The following ABHD2 variants were observed in gnomAD, a reference collection of about 807,000 sequenced individuals.
ABHD2 encodes abhydrolase domain containing 2, acylglycerol lipase.
Under a neutral mutation model 48.1 loss-of-function variants are expected in ABHD2, and 20 were observed. The observed-to-expected ratio is 0.42, with a 90% CI of 0.29 to 0.60. The LOEUF (loss-of-function observed/expected upper bound fraction) is 0.60. ABHD2 is among the 20% of genes least tolerant of loss of function. The pLI, the probability that ABHD2 is intolerant of heterozygous loss-of-function variation, is 0.24. For missense variants in ABHD2, 405 were observed against 550.9 expected, an observed-to-expected ratio of 0.74 and a Z score of 2.65; for synonymous variants, 209 against 214.2, an observed-to-expected ratio of 0.98 and a Z score of 0.21.
At chr15:89,121,378 T>A (rs1430377667) in intron 3 of ABHD2, among the ~76,000 whole-genome samples, 2 of 151,948 alleles carry the variant, frequency 1.3e-5, no homozygotes, top group Non-Finnish European at 2.9e-5. Flanking sequence ...GTAAAGAGAC[T>A]GGTTTTCTTG....
chr15:89,093,139 T>C (rs928375436), intron 1 of ABHD2, among the ~76,000 whole-genome samples: 5 of 149,244 alleles, frequency 3.4e-5, no homozygotes, highest in African/African-American at 9.8e-5. Context: ...CTTCCTGGCC[T>C]CCCCAAGTCA....
At chr15:89,136,438 CA>C in intron 3 of ABHD2, 1 of 482,830 alleles carries the variant, frequency 2.1e-6, no homozygotes. Context: ...CAAGTTTGCA[CA>C]AAAAATGCAT....
Position 89,181,295 on chromosome 15 carries a change from A to T in ABHD2, c.723-4129A>T, listed in dbSNP as rs61154726. 2.3e-3 allele frequency among the ~76,000 whole-genome samples: 350 copies of T among 150,238 alleles called. 1 individual carries two copies. The highest frequency in any genetic ancestry group is 8.0e-3 in the African/African-American group (326 of 40,818). On this transcript the variant is annotated intron_variant, in intron 6 of 10. Transcript: ENST00000352732. ...TTATGTGTTTTTATCATAATTTTTT[A>T]AAAATATGACTGTATATAGGCAAAA...
intron 4 of ABHD2, among the ~76,000 whole-genome samples, chr15:89,153,667 T>C (rs908380366): frequency 6.6e-6 from 1 of 152,208 alleles, no homozygotes; most frequent in Non-Finnish European, 1.5e-5. Flanking sequence ...GAAAAACAGC[T>C]CTTTTTCACC....
rs145057875 is a variant in ABHD2, at chr15:89,144,718, A to G, written c.195-6959A>G. 2.0e-4 allele frequency among the ~76,000 whole-genome samples: 31 copies of G among 152,360 alleles called. No individual in the cohort carries two copies. In the East Asian group the frequency reaches 4.8e-3, roughly 24 times the overall value. On this transcript the variant is annotated intron_variant, in intron 3 of 10. Coordinates refer to ENST00000352732, the MANE Select transcript of ABHD2 (RefSeq NM_152924.5). ...AAAATGGGAAGTGACTGCTTCATGC[A>G]TACAGGCTTTCCTTTTGCAGTGATG...
intron 10 of ABHD2, among the ~76,000 whole-genome samples, chr15:89,194,983 T>G (rs2051372568): frequency 6.6e-6 from 1 of 152,072 alleles, no homozygotes; most frequent in Middle Eastern, 3.2e-3. Flanking sequence ...CCCTTTAGAG[T>G]TCTAAGGCTT....
At chr15:89,121,045 C>T (rs1194194101) in intron 3 of ABHD2, among the ~76,000 whole-genome samples, 1 of 152,188 alleles carries the variant, frequency 6.6e-6, no homozygotes, top group African/African-American at 2.4e-5. Flanking sequence ...TCACGTTTGA[C>T]TTTTTTATAG....
At position 89,104,974 on chromosome 15, in the gene ABHD2, T is replaced by C. The variant is rs575923075; in HGVS notation, c.-106-8751T>C. Among the ~76,000 whole-genome samples the C allele has an allele frequency of 4.6e-5, 7 of 151,786 alleles. 1 individual carries two copies. In the South Asian group the frequency reaches 1.3e-3, roughly 27 times the overall value. On this transcript the variant is annotated intron_variant, in intron 1 of 10. Coordinates refer to ENST00000352732, the MANE Select transcript of ABHD2 (RefSeq NM_152924.5). This position sits in a 1 kb window ranked among gnomAD's most constrained non-coding sequence, Gnocchi z 4.4. ...ATTATGGTGTAGATTTTTAAAAATATGTTTAGGATAAATCTCACAATTCAT... is the reference window on the plus strand; with the variant it reads ...ATTATGGTGTAGATTTTTAAAAATACGTTTAGGATAAATCTCACAATTCAT...
the ABHD2 span, among the ~76,000 whole-genome samples, chr15:89,079,142 T>C: frequency 5.3e-5 from 8 of 152,188 alleles, no homozygotes; most frequent in Non-Finnish European, 1.0e-4. The surrounding 1 kb of genome is among the most constrained non-coding windows in gnomAD (Gnocchi z 4.3). Flanking sequence ...TCCTCTACTC[T>C]GTGTTTACAT....
At chr15:89,099,378 T>C (rs987918614) in intron 1 of ABHD2, among the ~76,000 whole-genome samples, 2 of 152,066 alleles carry the variant, frequency 1.3e-5, no homozygotes, top group Non-Finnish European at 2.9e-5. Context: ...GGTGGGAGGA[T>C]CACTTGAGGC....
At chr15:89,193,088 G>C (rs1012428741) in intron 9 of ABHD2, 147 bp from the exon 10 acceptor site, 4 of 677,288 alleles carry the variant, frequency 5.9e-6, no homozygotes, top group African/African-American at 5.4e-5. Context: ...AATACAAGGC[G>C]TCCTTCCTGT....
rs762412598 is a variant in ABHD2, at chr15:89,195,402, G to A, written c.1257G>A (p.Gln419=). The change falls in exon 11 of 11, where the codon CAG becomes CAA. Residue 419 remains glutamine, a synonymous_variant. Transcript: ENST00000352732. This position sits in a 1 kb window ranked among gnomAD's most constrained non-coding sequence, Gnocchi z 5.1. ...RNKLQCSDTE[Q]VEADLE Reference sequence around the variant, plus strand: ...AGTTGCAGTGCTCTGACACGGAGCAGGTGGAGGCCGACCTGGAGTGAGGCC... The same window carrying A: ...AGTTGCAGTGCTCTGACACGGAGCAAGTGGAGGCCGACCTGGAGTGAGGCC... 4 of 1,613,976 alleles carry A rather than the reference G, an allele frequency of 2.5e-6. No individual in the cohort carries two copies. Among genetic ancestry groups the A allele is most frequent in the Non-Finnish European group, 3.4e-6 (4 of 1,180,022 alleles).
chr15:89,201,625 A>G lies in ABHD2; in HGVS notation c.*6202A>G. The G allele has an allele frequency of 6.3e-7, 1 of 1,591,640 alleles. No individual in the cohort carries two copies. Among genetic ancestry groups the G allele is most frequent in the Non-Finnish European group, 8.6e-7 (1 of 1,159,556 alleles). On this transcript the variant is annotated 3_prime_UTR_variant, in exon 11 of 11. Coordinates refer to ENST00000352732, the MANE Select transcript of ABHD2 (RefSeq NM_152924.5). ...ATAATTCCACTGTTGGGCCTCACAC[A>G]GTACCGGTGAGGCACGGTAGTCTTC...
In ABHD2 at chr15:89,102,095, C is replaced by T. The variant is rs2049710351; in HGVS notation, c.-106-11630C>T. 6.6e-6 allele frequency among the ~76,000 whole-genome samples: 1 copy of T among 152,156 alleles called. No individual in the cohort carries two copies. The highest frequency in any genetic ancestry group is 6.5e-5 in the Admixed American group (1 of 15,276). ...CTCACTGCCACTGCTCCAAAACACA[C>T]CCCTCTTGTCCATCTGCCCATTTCC... On this transcript the variant is annotated intron_variant, in intron 1 of 10. Coordinates refer to ENST00000352732, the MANE Select transcript of ABHD2 (RefSeq NM_152924.5). The surrounding 1 kb of genome is among the most constrained non-coding windows in gnomAD (Gnocchi z 4.8).
intron 5 of ABHD2, among the ~76,000 whole-genome samples, chr15:89,159,599 C>G (rs746919483): frequency 6.6e-6 from 1 of 152,086 alleles, no homozygotes; most frequent in Admixed American, 6.6e-5. Context: ...GGGGAGTGCG[C>G]TATGGAAGGG....
rs146395346 is a variant in ABHD2 at position 89,122,121 on chromosome 15, T to C, written c.194+5600T>C. Among the ~76,000 whole-genome samples the C allele has an allele frequency of 6.3e-4, 96 of 152,328 alleles. 2 individuals carry two copies. In the East Asian group the frequency reaches 0.018, roughly 28 times the overall value. ...CTGGGATTTCAGGTGGGAGCCCCTGTGCCCTGCCTTAAATAGCATCAGTTC... is the reference window on the plus strand; with the variant it reads ...CTGGGATTTCAGGTGGGAGCCCCTGCGCCCTGCCTTAAATAGCATCAGTTC... On this transcript the variant is annotated intron_variant, in intron 3 of 10. Transcript: ENST00000352732.
chr15:89,057,434 A>G, the ABHD2 span, among the ~76,000 whole-genome samples: 3 of 152,226 alleles, frequency 2.0e-5, no homozygotes, highest in African/African-American at 4.8e-5. Flanking sequence ...CACAGTGACC[A>G]CTGGGAAGTT....
intron 4 of ABHD2, among the ~76,000 whole-genome samples, chr15:89,152,085 T>C (rs2050601201): frequency 6.6e-6 from 1 of 151,958 alleles, no homozygotes; most frequent in Non-Finnish European, 1.5e-5. Context: ...TAGTTTTTTT[T>C]TTTTTTTTGA....
chr15:89,152,145 G>A (rs909758143), intron 4 of ABHD2, among the ~76,000 whole-genome samples: 82 of 151,446 alleles, frequency 5.4e-4, no homozygotes, highest in Middle Eastern at 3.4e-3. Flanking sequence ...GCACGATCTC[G>A]GCTCACTGCA....
Sources: allele counts gnomAD v4.1 joint callset (sites outside exome capture counted in the v4.1 genomes callset), GRCh38; gene constraint gnomAD v4.1.1; non-coding constraint Gnocchi (gnomAD v3.1); transcripts MANE v1.5; gene names NCBI Gene and HGNC (gene_info 2026-07-23, HGNC 2026-07-21).